The following INPP5F variants were observed in gnomAD, a reference collection of about 807,000 sequenced individuals.
INPP5F encodes the protein phosphatidylinositide 4-phosphatase SAC2.
In INPP5F, 97 loss-of-function variants were observed where a neutral mutation model predicts 137.2. The observed-to-expected ratio is 0.71, with a 90% CI of 0.60 to 0.84. The LOEUF is 0.84. Ranked by LOEUF, INPP5F falls within the 40% of genes least tolerant of loss-of-function variation. INPP5F has a pLI of 0.00. For missense variants in INPP5F, 1,271 were observed against 1,371.9 expected (o/e 0.93, Z 1.16); for synonymous variants, 504 against 476.9 (o/e 1.06, Z -0.74).
At chr10:119,729,891 A>G (rs1196679368) in intron 1 of INPP5F, among the ~76,000 whole-genome samples, 1 of 151,640 alleles carries the variant, frequency 6.6e-6, no homozygotes, top group Non-Finnish European at 1.5e-5. Context: ...GGCTTTTAAA[A>G]TATCTTTTTG....
intron 2 of INPP5F, among the ~76,000 whole-genome samples, chr10:119,764,013 C>A (rs1294742671): frequency 6.6e-6 from 1 of 152,198 alleles, no homozygotes; most frequent in Non-Finnish European, 1.5e-5. Flanking sequence ...GAATGCTCTT[C>A]ACGGTTCATG....
intron 2 of INPP5F, among the ~76,000 whole-genome samples, chr10:119,774,170 G>T (rs1298309482): frequency 6.7e-6 from 1 of 149,916 alleles, no homozygotes; most frequent in Non-Finnish European, 1.5e-5. Context: ...GCTGAGGAGG[G>T]AGAATTGCTT....
At chr10:119,744,175 A>T (rs1034709595) in intron 1 of INPP5F, among the ~76,000 whole-genome samples, 1 of 152,160 alleles carries the variant, frequency 6.6e-6, no homozygotes, top group Non-Finnish European at 1.5e-5. Flanking sequence ...TTGATGACCC[A>T]CTGATGGATT....
chr10:119,751,301 C>CGAAG (rs1304932067), intron 2 of INPP5F, 145 bp downstream of exon 2: 1 of 638,634 alleles, frequency 1.6e-6, no homozygotes. Flanking sequence ...GTATAATGAG[C>CGAAG]GAAGACCTGT....
At chr10:119,785,286 G>GTTTTTTTTGTTTTTTTTTTTTTTTT (rs1849846687) in intron 3 of INPP5F, among the ~76,000 whole-genome samples, 7 of 106,236 alleles carry the variant, frequency 6.6e-5, no homozygotes, top group African/African-American at 2.6e-4. Flanking sequence ...CTGCCAGACT[G>GTTTTTTTTGTTTTTTTTTTTTTTTT]TTTTTTTTTT....
At chr10:119,789,398 A>C (rs1235585110) in intron 3 of INPP5F, among the ~76,000 whole-genome samples, 1 of 152,200 alleles carries the variant, frequency 6.6e-6, no homozygotes, top group Non-Finnish European at 1.5e-5. Context: ...GCAGTTGCCA[A>C]GTGCCACAAG....
At chr10:119,819,433 C>T in intron 15 of INPP5F, 1 of 1,508,764 alleles carries the variant, frequency 6.6e-7, no homozygotes. Context: ...AAAATAGGAG[C>T]TAGGATGAAA....
intron 1 of INPP5F, among the ~76,000 whole-genome samples, chr10:119,732,076 C>T (rs1589658121): frequency 7.8e-6 from 1 of 128,892 alleles, no homozygotes; most frequent in South Asian, 2.8e-4. Context: ...ACAGCCCAGG[C>T]TGGAGTGTGG....
rs374244334 is a variant in INPP5F, at chr10:119,752,364, C to T, written c.178+1208C>T. On this transcript the variant is annotated intron_variant, in intron 2 of 19. Coordinates refer to ENST00000650623, the MANE Select transcript of INPP5F (RefSeq NM_014937.4). The stretch of plus-strand genomic sequence containing the variant: ...CTTTGGGAGGCCGAGGCAGGTGGAT[C>T]ATCTGAGGTCGGGAGTTTGAGACTG... Among the ~76,000 whole-genome samples the T allele has an allele frequency of 6.6e-5, 10 of 152,222 alleles. No individual in the cohort carries two copies. The East Asian group carries it at 1.5e-3, about 24-fold the overall frequency.
At chr10:119,825,971 AG>A (rs1394689280) in intron 19 of INPP5F, 2 of 398,484 alleles carry the variant, frequency 5.0e-6, no homozygotes, top group Non-Finnish European at 8.8e-6. Flanking sequence ...GGGATACCAA[AG>A]GAGAGAAGAC....
intron 3 of INPP5F, among the ~76,000 whole-genome samples, chr10:119,789,225 CAAA>C (rs71019718): frequency 3.7e-5 from 4 of 107,716 alleles, no homozygotes; most frequent in African/African-American, 7.0e-5. Context: ...AACTCTGTCT[CAAA>C]AAAAAAAAAA....
intron 2 of INPP5F, among the ~76,000 whole-genome samples, chr10:119,762,217 A>G (rs1299343822): frequency 6.6e-6 from 1 of 152,204 alleles, no homozygotes; most frequent in Non-Finnish European, 1.5e-5. Context: ...ACAGAATGTC[A>G]TGGACTGGGT....
intron 10 of INPP5F, among the ~76,000 whole-genome samples, chr10:119,804,635 A>G (rs1268156415): frequency 6.6e-6 from 1 of 151,338 alleles, no homozygotes; most frequent in Non-Finnish European, 1.5e-5. Context: ...TTTCCTTAAG[A>G]GTATCTTGCT....
intron 3 of INPP5F, among the ~76,000 whole-genome samples, chr10:119,788,071 G>A (rs570555483): frequency 6.6e-6 from 1 of 152,336 alleles, no homozygotes; most frequent in South Asian, 2.1e-4. Flanking sequence ...GAGACTTAGA[G>A]AAGGAGAATG....
intron 12 of INPP5F, 102 bp downstream of exon 12, chr10:119,806,582 T>C (rs1850798108): frequency 1.9e-6 from 2 of 1,077,592 alleles, no homozygotes; most frequent in African/African-American, 3.2e-5. Context: ...AAATATTCTT[T>C]ACAACATTTA....
At chr10:119,821,259 G>A (rs1851548314) in intron 16 of INPP5F, among the ~76,000 whole-genome samples, 1 of 152,074 alleles carries the variant, frequency 6.6e-6, no homozygotes. Flanking sequence ...CTATAGTGAA[G>A]TTTTTCCTCA....
intron 2 of INPP5F, among the ~76,000 whole-genome samples, chr10:119,761,462 C>A (rs957243575): frequency 2.0e-5 from 3 of 152,096 alleles, no homozygotes; most frequent in Admixed American, 2.0e-4. Flanking sequence ...CCAGCACTGG[C>A]GTGGTGGTAG....
At chr10:119,815,228 C>A (rs915953666) in intron 15 of INPP5F, 3 of 152,474 alleles carry the variant, frequency 2.0e-5, no homozygotes, top group African/African-American at 7.2e-5. Context: ...CAATTACTTT[C>A]CAATTTGTTG....
chr10:119,812,572 C>A (rs891493902), intron 15 of INPP5F, among the ~76,000 whole-genome samples: 1 of 151,934 alleles, frequency 6.6e-6, no homozygotes, highest in Admixed American at 6.6e-5. Context: ...CACTCTAGTT[C>A]TATTTTATCT....
Sources: gnomAD v4.1 joint callset for allele counts (sites outside exome capture counted in the v4.1 genomes callset) on GRCh38, gnomAD v4.1.1 for gene constraint, MANE v1.5 for transcripts, NCBI Gene and HGNC (gene_info 2026-07-23, HGNC 2026-07-21) for gene names.